E2F5: variants seen among roughly 807,000 people sequenced by gnomAD.
E2F5 encodes transcription factor E2F5.
In E2F5, 23 loss-of-function variants were observed where a neutral mutation model predicts 39.1. That is an observed-to-expected ratio of 0.59 (90% CI 0.42 to 0.83). E2F5 has a LOEUF of 0.83. Among genes scored for constraint, E2F5 ranks in the 40% least tolerant of loss-of-function variants. E2F5 has a pLI of 0.00. For missense variants in E2F5, 365 were observed against 406.7 expected (o/e 0.90, Z 0.88); for synonymous variants, 145 against 157.8 (o/e 0.92, Z 0.61).
At chr8:85,189,400 G>T (rs2129659540) in intron 1 of E2F5, among the ~76,000 whole-genome samples, 1 of 152,194 alleles carries the variant, frequency 6.6e-6, no homozygotes. Context: ...TTGAGGCAGA[G>T]TCTCTGTGAC....
chr8:85,186,082 C>T (rs1812327268), intron 1 of E2F5, among the ~76,000 whole-genome samples: 1 of 152,104 alleles, frequency 6.6e-6, no homozygotes, highest in African/African-American at 2.4e-5. Flanking sequence ...TGGCACTATT[C>T]ACAATAGCAA....
chr8:85,186,720 GTATA>G (rs1812348141), intron 1 of E2F5, among the ~76,000 whole-genome samples: 1 of 146,490 alleles, frequency 6.8e-6, no homozygotes, highest in Non-Finnish European at 1.5e-5. Flanking sequence ...TATATAAGGT[GTATA>G]TATGATATAT....
At chr8:85,177,793 T>TG in intron 1 of E2F5, 139 bp downstream of exon 1, 11 of 1,145,102 alleles carry the variant, frequency 9.6e-6, no homozygotes, top group Non-Finnish European at 1.1e-5. Context: ...CCGAGGACCA[T>TG]GTGGCCTGCG....
chr8:85,178,791 G>A (rs1030192125), intron 1 of E2F5, among the ~76,000 whole-genome samples: 1 of 152,174 alleles, frequency 6.6e-6, no homozygotes, highest in African/African-American at 2.4e-5. Flanking sequence ...TTCTGCTAGA[G>A]GCCCTCCTCC....
Position 85,177,349 on chromosome 8 carries a change from C to T in E2F5, c.-72C>T, listed in dbSNP as rs564323679. 10 of 978,110 alleles carry T rather than the reference C, an allele frequency of 1.0e-5. No individual in the cohort carries two copies. In the African/African-American group the frequency reaches 1.4e-4, roughly 14 times the overall value. The allele number at this position is 978,110 out of a possible 1,614,324, so 60.6% of individuals were successfully genotyped here. A position where few individuals can be genotyped will look rare whatever the true frequency, so the allele number is the denominator to read the frequency against. On this transcript the variant is annotated 5_prime_UTR_variant, in exon 1 of 8. Coordinates refer to ENST00000416274, the MANE Select transcript of E2F5 (RefSeq NM_001951.4). ...GGAAGCGGCCGCAGCGGAGCCGACC[C>T]GGCAGGTGGCCGCGGGCGGGGCCGG...
intron 1 of E2F5, among the ~76,000 whole-genome samples, chr8:85,178,346 A>G (rs1276886054): frequency 6.6e-6 from 1 of 152,034 alleles, no homozygotes; most frequent in Admixed American, 6.5e-5. Context: ...AAAAGGGGAT[A>G]TTTTACAACT....
At chr8:85,179,815 G>C (rs981992388) in intron 1 of E2F5, among the ~76,000 whole-genome samples, 1 of 150,708 alleles carries the variant, frequency 6.6e-6, no homozygotes, top group Non-Finnish European at 1.5e-5. Flanking sequence ...GCCCGCCAGC[G>C]CACCCAGCTA....
At chr8:85,191,442 A>T (rs1812462305) in intron 1 of E2F5, among the ~76,000 whole-genome samples, 1 of 152,060 alleles carries the variant, frequency 6.6e-6, no homozygotes, top group African/African-American at 2.4e-5. Context: ...TACCACACAC[A>T]AAAAAAATGA....
chr8:85,177,557 G>A lies in E2F5; in HGVS notation c.137G>A (p.Gly46Asp), dbSNP rs972463161. 3 of 1,256,438 alleles carry A rather than the reference G, an allele frequency of 2.4e-6. No individual in the cohort carries two copies. The highest frequency in any genetic ancestry group is 3.0e-5 in the East Asian group (1 of 33,120). 77.8% of individuals were successfully genotyped at this position (1,256,438 alleles called of 1,614,324 possible). The change falls in exon 1 of 8, where the codon GGC (glycine) becomes GAC (aspartate). Residue 46 changes from glycine to aspartate, a missense_variant. Coordinates refer to ENST00000416274, the MANE Select transcript of E2F5 (RefSeq NM_001951.4). Reference protein sequence around the residue: ...PPPPQLGGAGGGSSRHEKSLG... With the variant: ...PPPPQLGGAGDGSSRHEKSLG... ...CCGCCGCAGCTCGGGGGCGCCGGGG[G>A]CGGCAGCAGCAGGCACGAGAAGAGC...
intron 2 of E2F5, among the ~76,000 whole-genome samples, chr8:85,202,470 T>G (rs558517900): frequency 4.6e-5 from 7 of 152,324 alleles, no homozygotes; most frequent in African/African-American, 1.7e-4. Flanking sequence ...AAAATTCAAA[T>G]CTTACTTTCT....
chr8:85,202,370 C>G, intron 2 of E2F5, 114 bp downstream of exon 2: 1 of 733,984 alleles, frequency 1.4e-6, no homozygotes, highest in Non-Finnish European at 2.2e-6. Context: ...TCAGGCCCCT[C>G]AGCTTTCCCT....
chr8:85,211,151 C>T (rs1014051097), intron 6 of E2F5, among the ~76,000 whole-genome samples: 3 of 149,690 alleles, frequency 2.0e-5, no homozygotes, highest in East Asian at 2.0e-4. Context: ...TTTGGGAGGC[C>T]GAGGCAGGTA....
At chr8:85,213,498 G>A (rs528617597) in intron 7 of E2F5, 7 of 176,324 alleles carry the variant, frequency 4.0e-5, no homozygotes, top group South Asian at 2.1e-4. Context: ...GGCCGAGATC[G>A]AGCTACTGCA....
intron 1 of E2F5, among the ~76,000 whole-genome samples, chr8:85,193,007 TA>T (rs527278068): frequency 1.2e-3 from 182 of 152,356 alleles, no homozygotes; most frequent in African/African-American, 4.3e-3. Context: ...TGGCACATAG[TA>T]AATGCTACAT....
intron 1 of E2F5, chr8:85,178,157 CTA>C (rs1219078260): frequency 2.0e-5 from 3 of 151,754 alleles, no homozygotes; most frequent in African/African-American, 7.3e-5. Flanking sequence ...TCTGCCATCT[CTA>C]CCAGATGAAA....
At chr8:85,192,143 C>T (rs563799775) in intron 1 of E2F5, among the ~76,000 whole-genome samples, 2 of 152,178 alleles carry the variant, frequency 1.3e-5, no homozygotes, top group East Asian at 1.9e-4. Flanking sequence ...GAACCTGGTG[C>T]GGAGTCTATG....
At chr8:85,177,856 G>T (rs758013187) in intron 1 of E2F5, 96 of 943,118 alleles carry the variant, frequency 1.0e-4, no homozygotes, top group Non-Finnish European at 1.2e-4. Context: ...GGATGGCACC[G>T]AGCGGACGCG....
In E2F5 at chr8:85,203,115, T is replaced by A; in HGVS notation, c.366T>A (p.Asn122Lys). 6.4e-7 allele frequency: 1 copy of A among 1,565,698 alleles called. No homozygotes were observed. Among genetic ancestry groups the A allele is most frequent in the Non-Finnish European group, 8.7e-7 (1 of 1,155,874 alleles). Residue 122 changes from asparagine (N) to lysine (K), a missense_variant, in exon 3 of 8, where the codon AAT (asparagine) becomes AAA (lysine). Asn to Lys is a moderately conservative substitution (Grantham distance 94, BLOSUM62 0). Coordinates refer to ENST00000416274, the MANE Select transcript of E2F5 (RefSeq NM_001951.4). ...IQWKGVGAGC[N>K]TKEVIDRLRY... ...TAAGAGGTGTAGGTGCTGGCTGTAA[T>A]ACTAAAGAAGTCATAGATAGATTAA...
intron 1 of E2F5, among the ~76,000 whole-genome samples, chr8:85,194,884 T>C (rs1297264063): frequency 6.6e-6 from 1 of 151,796 alleles, no homozygotes; most frequent in Non-Finnish European, 1.5e-5. Flanking sequence ...TTTTGTAGAA[T>C]TTAATACCAC....
Sources: allele counts gnomAD v4.1 joint callset (sites outside exome capture counted in the v4.1 genomes callset), GRCh38; gene constraint gnomAD v4.1.1; transcripts MANE v1.5; gene names NCBI Gene and HGNC (gene_info 2026-07-23, HGNC 2026-07-21).